The following SLC12A6 variants were observed in gnomAD, a reference collection of about 807,000 sequenced individuals.
The protein encoded by SLC12A6 is solute carrier family 12 member 6.
A neutral mutation model predicts 135.3 loss-of-function variants in SLC12A6; 66 were observed. The ratio of observed to expected loss-of-function variants is 0.49; its 90% CI spans 0.40 to 0.60. SLC12A6 has a LOEUF of 0.60. SLC12A6 is among the 20% of genes least tolerant of loss of function. The probability of loss-of-function intolerance (pLI) is 0.00; values close to 1 mark genes in which losing one functional copy is unlikely to be tolerated. For missense variants in SLC12A6, 1,058 were observed against 1,452.3 expected, an observed-to-expected ratio of 0.73 and a Z score of 4.41; for synonymous variants, 513 against 508.8, an observed-to-expected ratio of 1.01 and a Z score of -0.11.
chr15:34,247,245 C>T (rs1400863805), intron 13 of SLC12A6, among the ~76,000 whole-genome samples: 5 of 152,202 alleles, frequency 3.3e-5, no homozygotes, highest in Admixed American at 2.0e-4. Flanking sequence ...AGGCTGGGTG[C>T]GGTGGCTCAC....
chr15:34,237,326 T>C (rs1328310874), intron 22 of SLC12A6, 93 bp downstream of exon 22: 2 of 1,148,460 alleles, frequency 1.7e-6, no homozygotes, highest in Non-Finnish European at 2.6e-6. Flanking sequence ...CACATTTAGA[T>C]CTGAAAAATT....
Position 34,243,991 on chromosome 15 carries a change from T to G in SLC12A6, c.2025A>C (p.Arg675=), listed in dbSNP as rs760312775. 6.3e-7 allele frequency: 1 copy of G among 1,593,726 alleles called. No homozygotes were observed. Among genetic ancestry groups the G allele is most frequent in the Non-Finnish European group, 8.6e-7 (1 of 1,161,362 alleles). ...AGACTTACCAATGGTAGTAGCGGAA[T>G]CGGGGTCTCCAGTTGGGTGTTCGAA... ...TLLRTPNWRP[R]FRYYHWALSF... The change falls in exon 16 of 26, where the codon CGA becomes CGC. Residue 675 remains arginine (R), a synonymous_variant. Coordinates refer to ENST00000354181, the MANE Select transcript of SLC12A6 (RefSeq NM_001365088.1).
At chr15:34,335,014 T>C (rs1247768479) in intron 2 of SLC12A6, among the ~76,000 whole-genome samples, 3 of 152,198 alleles carry the variant, frequency 2.0e-5, no homozygotes, top group African/African-American at 7.2e-5. Context: ...AATTACAATA[T>C]TAAGAAATTA....
chr15:34,247,313 C>T (rs1290580053), intron 13 of SLC12A6, among the ~76,000 whole-genome samples: 3 of 151,956 alleles, frequency 2.0e-5, no homozygotes, highest in African/African-American at 4.8e-5. Flanking sequence ...GTCAGGAGAT[C>T]GAGACCATCC....
chr15:34,257,465 T>C, intron 6 of SLC12A6, 177 bp downstream of exon 6: 1 of 623,640 alleles, frequency 1.6e-6, no homozygotes, highest in Non-Finnish European at 2.9e-6. Flanking sequence ...AAGCAGTGAC[T>C]AACAGGCACT....
At chr15:34,246,812 A>C (rs11853022) in intron 13 of SLC12A6, among the ~76,000 whole-genome samples, 9,647 of 152,114 alleles carry the variant, frequency 0.063, 320 homozygotes, top group Middle Eastern at 0.075. Flanking sequence ...ATGTCTGACT[A>C]ATCTTTTACA....
At chr15:34,246,974 G>A (rs1892036609) in intron 13 of SLC12A6, among the ~76,000 whole-genome samples, 1 of 152,012 alleles carries the variant, frequency 6.6e-6, no homozygotes, top group African/African-American at 2.4e-5. Context: ...TTCTTAAGAG[G>A]GAATAACTAA....
intron 12 of SLC12A6, 33 bp downstream of exon 12, chr15:34,250,598 C>T (rs1301967761): frequency 8.5e-7 from 1 of 1,180,980 alleles, no homozygotes; most frequent in Non-Finnish European, 1.3e-6. Flanking sequence ...GCTCCTATGA[C>T]TAAGACTCAG....
upstream of SLC12A6, chr15:34,337,980 G>C (rs1230415725): frequency 6.6e-6 from 1 of 151,918 alleles, no homozygotes; most frequent in African/African-American, 2.4e-5. Flanking sequence ...AGAAGCCCGG[G>C]GGTGCAGTGA....
In SLC12A6 at chr15:34,250,619, T is replaced by C. The variant is rs1892319656; in HGVS notation, c.1591+12A>G. 2.1e-6 allele frequency: 3 copies of C among 1,407,190 alleles called. No individual in the cohort carries two copies. Among genetic ancestry groups the C allele is most frequent in the Non-Finnish European group, 2.0e-6 (2 of 991,412 alleles). The allele number at this position is 1,407,190 out of a possible 1,614,324, so 87.2% of individuals were successfully genotyped here. ...ATGACTAAGACTCAGACTGGATCCA[T>C]AAAAAGGATACAAACAAAGGAGGTG... On this transcript the variant is annotated intron_variant, in intron 12 of 25. Transcript: ENST00000354181.
intron 2 of SLC12A6, among the ~76,000 whole-genome samples, chr15:34,332,642 G>C (rs1043909738): frequency 1.3e-5 from 2 of 152,120 alleles, no homozygotes; most frequent in Non-Finnish European, 2.9e-5. Context: ...ATTTAGCCGG[G>C]TGTGGTTGCA....
intron 25 of SLC12A6, among the ~76,000 whole-genome samples, chr15:34,234,488 C>T (rs1392148191): frequency 6.6e-6 from 1 of 152,134 alleles, no homozygotes; most frequent in Non-Finnish European, 1.5e-5. Flanking sequence ...TCTCCTGCCT[C>T]AGCCTCCCGA....
At chr15:34,248,669 C>A (rs79444477) in intron 13 of SLC12A6, among the ~76,000 whole-genome samples, 2 of 151,852 alleles carry the variant, frequency 1.3e-5, no homozygotes, top group Non-Finnish European at 2.9e-5. Context: ...TGTTAGGCTT[C>A]GAGTCCTCAA....
rs1351018395 is a variant in SLC12A6, at chr15:34,294,902, T to C, written c.272-19513A>G. On this transcript the variant is annotated intron_variant, in intron 2 of 25. Coordinates refer to ENST00000354181, the MANE Select transcript of SLC12A6 (RefSeq NM_001365088.1). Reference sequence around the variant, plus strand: ...GCTAAATAATCCACGTTAGCTTTTATAGACACAACTCTACTTTCCCTATTC... The same window carrying C: ...GCTAAATAATCCACGTTAGCTTTTACAGACACAACTCTACTTTCCCTATTC... 2.6e-5 allele frequency among the ~76,000 whole-genome samples: 4 copies of C among 152,358 alleles called. No individual in the cohort carries two copies. In the East Asian group the frequency reaches 7.7e-4, roughly 29 times the overall value.
At chr15:34,310,596 C>T (rs1442713655) in intron 2 of SLC12A6, among the ~76,000 whole-genome samples, 3 of 48,256 alleles carry the variant, frequency 6.2e-5, no homozygotes, top group African/African-American at 1.3e-4. Flanking sequence ...TGTGTGTCCC[C>T]GTGTCCAGGC....
intron 21 of SLC12A6, 130 bp from the exon 22 acceptor site, chr15:34,237,680 C>T: frequency 1.4e-6 from 1 of 730,800 alleles, no homozygotes; most frequent in South Asian, 1.4e-5. Context: ...TTCCTAGCTT[C>T]CTACTTGCTA....
At chr15:34,277,328 C>T (rs1894362746) in intron 2 of SLC12A6, among the ~76,000 whole-genome samples, 1 of 152,058 alleles carries the variant, frequency 6.6e-6, no homozygotes, top group African/African-American at 2.4e-5. Context: ...CCCAGCTACT[C>T]AGGAGGCTAA....
chr15:34,278,344 T>C (rs1595484531), intron 2 of SLC12A6, among the ~76,000 whole-genome samples: 1 of 151,950 alleles, frequency 6.6e-6, no homozygotes, highest in East Asian at 1.9e-4. Flanking sequence ...GGAGGATGGC[T>C]TGAACCCAGG....
At chr15:34,333,047 G>A (rs777332781) in intron 2 of SLC12A6, among the ~76,000 whole-genome samples, 13 of 151,862 alleles carry the variant, frequency 8.6e-5, no homozygotes, top group Non-Finnish European at 1.6e-4. Flanking sequence ...ATCTATTGGG[G>A]TTTTAAGTCT....
Sources: gnomAD v4.1 joint callset for allele counts (sites outside exome capture counted in the v4.1 genomes callset) on GRCh38, gnomAD v4.1.1 for gene constraint, MANE v1.5 for transcripts, NCBI Gene and HGNC (gene_info 2026-07-23, HGNC 2026-07-21) for gene names.